RSPO2: variants seen among roughly 807,000 people sequenced by gnomAD.
RSPO2 encodes R-spondin-2.
A neutral mutation model predicts 30.9 loss-of-function variants in RSPO2; 14 were observed. The ratio of observed to expected loss-of-function variants is 0.45; its 90% CI spans 0.30 to 0.71. RSPO2 has a LOEUF of 0.71. Ranked by LOEUF, RSPO2 falls within the 30% of genes least tolerant of loss-of-function variation. The pLI, the probability that RSPO2 is intolerant of heterozygous loss-of-function variation, is 0.08. For synonymous variants in RSPO2, 107 were observed against 96.4 expected, an observed-to-expected ratio of 1.11 and a Z score of -0.64; for missense variants, 264 against 301.9, an observed-to-expected ratio of 0.87 and a Z score of 0.93.
chr8:107,986,718 G>A (rs997787069), intron 3 of RSPO2, among the ~76,000 whole-genome samples: 11 of 151,820 alleles, frequency 7.2e-5, no homozygotes, highest in Admixed American at 7.2e-4. Context: ...GCTAGCCCTA[G>A]AACTTGGAAT....
chr8:107,921,104 G>A (rs571682389), intron 5 of RSPO2, among the ~76,000 whole-genome samples: 2 of 152,164 alleles, frequency 1.3e-5, no homozygotes, highest in East Asian at 3.9e-4. Flanking sequence ...ACTCAACCTA[G>A]AGGTTAAACA....
intron 2 of RSPO2, 105 bp from the exon 3 acceptor site, chr8:107,989,349 A>C: frequency 1.5e-6 from 1 of 680,342 alleles, no homozygotes; most frequent in Non-Finnish European, 2.3e-6. Context: ...TGCTATACTC[A>C]CATAGAAATA....
At chr8:107,974,383 G>A (rs1357527520) in intron 3 of RSPO2, among the ~76,000 whole-genome samples, 2 of 151,972 alleles carry the variant, frequency 1.3e-5, no homozygotes, top group African/African-American at 2.4e-5. Context: ...ATGGTGGCAC[G>A]CACCTGTAGT....
chr8:107,948,866 A>AAAATAAAT (rs1554575497), intron 5 of RSPO2, among the ~76,000 whole-genome samples: 47 of 145,886 alleles, frequency 3.2e-4, no homozygotes, highest in African/African-American at 1.1e-3. Flanking sequence ...TCTCAAAAAA[A>AAAATAAAT]AAATAAATAA....
chr8:108,033,631 T>C lies in RSPO2; in HGVS notation c.95-44387A>G, dbSNP rs576797692. 1.4e-3 allele frequency among the ~76,000 whole-genome samples: 217 copies of C among 152,366 alleles called. 2 individuals carry two copies. Among genetic ancestry groups the C allele is most frequent in the Non-Finnish European group, 7.1e-4 (48 of 68,032 alleles). On this transcript the variant is annotated intron_variant, in intron 2 of 5. Coordinates refer to ENST00000276659, the MANE Select transcript of RSPO2 (RefSeq NM_178565.5). ...CTCTTTGGAGTCACTGAATTATATT[T>C]TTTAAGTATAGCCTTACAAGTCTTT...
At chr8:108,002,785 T>G (rs1375114252) in intron 2 of RSPO2, among the ~76,000 whole-genome samples, 1 of 152,210 alleles carries the variant, frequency 6.6e-6, no homozygotes, top group African/African-American at 2.4e-5. Context: ...TTTACCACTG[T>G]GTTTTAAAAT....
At chr8:107,983,401 G>T in intron 3 of RSPO2, 1 of 1,605,896 alleles carries the variant, frequency 6.2e-7, no homozygotes, top group East Asian at 2.2e-5. Context: ...GGATGTAGCT[G>T]CCCATCTTCA....
intron 2 of RSPO2, 160 bp from the exon 3 acceptor site, chr8:107,989,404 C>G: frequency 1.8e-6 from 1 of 543,132 alleles, no homozygotes. Flanking sequence ...CTCCTCCACC[C>G]AAAAAGTTGT....
intron 2 of RSPO2, among the ~76,000 whole-genome samples, chr8:108,026,161 G>T (rs1214851279): frequency 6.6e-6 from 1 of 152,100 alleles, no homozygotes; most frequent in Non-Finnish European, 1.5e-5. Flanking sequence ...ATCAAATCAT[G>T]AAGAAACAGC....
intron 5 of RSPO2, among the ~76,000 whole-genome samples, chr8:107,925,944 A>G (rs844510): frequency 0.66 from 100,950 of 151,950 alleles, 35,550 homozygotes; most frequent in East Asian, 0.9. Context: ...TGGGTCAAAT[A>G]GTATTTCTAG....
At chr8:108,019,808 G>A (rs1811003227) in intron 2 of RSPO2, among the ~76,000 whole-genome samples, 3 of 152,142 alleles carry the variant, frequency 2.0e-5, no homozygotes, top group Admixed American at 2.0e-4. Flanking sequence ...ATGGGGATAT[G>A]ATGGTTTTTT....
At chr8:108,049,002 G>A (rs1480799694) in intron 2 of RSPO2, among the ~76,000 whole-genome samples, 7 of 152,110 alleles carry the variant, frequency 4.6e-5, no homozygotes, top group Non-Finnish European at 1.0e-4. Context: ...TTAATCCTGA[G>A]TTCTAATTTG....
At chr8:108,039,564 T>A (rs1455999264) in intron 2 of RSPO2, among the ~76,000 whole-genome samples, 1 of 152,044 alleles carries the variant, frequency 6.6e-6, no homozygotes, top group East Asian at 1.9e-4. Flanking sequence ...ATATATGAAT[T>A]TAAAAAAGGA....
At chr8:107,963,353 GTAAAACCCCATCT>G (rs1280613642) in intron 3 of RSPO2, among the ~76,000 whole-genome samples, 1 of 151,406 alleles carries the variant, frequency 6.6e-6, no homozygotes, top group Non-Finnish European at 1.5e-5. Context: ...AGGCAACATG[GTAAAACCCCATCT>G]CTAAGAAATT....
intron 3 of RSPO2, chr8:107,983,689 T>C: frequency 1.9e-6 from 3 of 1,594,596 alleles, no homozygotes; most frequent in South Asian, 1.1e-5. Context: ...GAATTAAAGA[T>C]TAAGGGAAGA....
intron 2 of RSPO2, among the ~76,000 whole-genome samples, chr8:107,990,872 A>G (rs1814820752): frequency 6.6e-6 from 1 of 152,190 alleles, no homozygotes; most frequent in South Asian, 2.1e-4. Context: ...ATGGAACAGA[A>G]TAGAGTATCC....
intron 3 of RSPO2, among the ~76,000 whole-genome samples, chr8:107,965,355 T>C (rs1016517968): frequency 6.6e-6 from 1 of 152,206 alleles, no homozygotes; most frequent in African/African-American, 2.4e-5. Flanking sequence ...AAAAATAGGC[T>C]GAGCACCCTC....
chr8:108,054,460 G>A (rs1439773035), intron 2 of RSPO2, among the ~76,000 whole-genome samples: 2 of 152,080 alleles, frequency 1.3e-5, no homozygotes, highest in East Asian at 1.9e-4. Flanking sequence ...GCCAGGCCTG[G>A]AAGTAGTAAA....
chr8:108,073,694 TG>T (rs992715160), intron 2 of RSPO2, among the ~76,000 whole-genome samples: 2 of 152,218 alleles, frequency 1.3e-5, no homozygotes, highest in African/African-American at 4.8e-5. Flanking sequence ...ATATTTGTGT[TG>T]TACTTTTATA....
Sources: allele counts gnomAD v4.1 joint callset (sites outside exome capture counted in the v4.1 genomes callset), GRCh38; gene constraint gnomAD v4.1.1; transcripts MANE v1.5; gene names NCBI Gene and HGNC (gene_info 2026-07-23, HGNC 2026-07-21).